Variants in SOX5 observed in about 807,000 individuals in gnomAD.
SOX5 encodes the protein SRY-box transcription factor 5, also known as transcription factor SOX-5.
In SOX5, 9 loss-of-function variants were observed where a neutral mutation model predicts 92.0. The ratio of observed to expected loss-of-function variants is 0.10; its 90% CI spans 0.06 to 0.17. The LOEUF is 0.17. SOX5 is among the 10% of genes least tolerant of loss of function. The pLI, the probability that SOX5 is intolerant of heterozygous loss-of-function variation, is 1.00. For missense variants in SOX5, 642 were observed against 944.5 expected, an observed-to-expected ratio of 0.68 and a Z score of 4.20; for synonymous variants, 344 against 336.3, an observed-to-expected ratio of 1.02 and a Z score of -0.25.
At chr12:24,364,857 G>A (rs998776286) in intron 2 of SOX5, among the ~76,000 whole-genome samples, 4 of 152,106 alleles carry the variant, frequency 2.6e-5, no homozygotes, top group Middle Eastern at 3.4e-3. Flanking sequence ...CGTCTCAGTC[G>A]AAGCAAGAAC....
At chr12:24,075,749 G>T (rs1309996467) in intron 4 of SOX5, among the ~76,000 whole-genome samples, 1 of 152,174 alleles carries the variant, frequency 6.6e-6, no homozygotes, top group East Asian at 1.9e-4. Flanking sequence ...CTCATGGCTT[G>T]TTTTGTTTGT....
intron 2 of SOX5, among the ~76,000 whole-genome samples, chr12:24,310,823 T>A (rs1022916048): frequency 2.0e-5 from 3 of 152,094 alleles, no homozygotes; most frequent in African/African-American, 7.2e-5. Flanking sequence ...CTGACCTTCA[T>A]TGAAGGATTT....
At chr12:24,342,460 T>C (rs896446249) in intron 2 of SOX5, among the ~76,000 whole-genome samples, 3 of 152,238 alleles carry the variant, frequency 2.0e-5, no homozygotes, top group Non-Finnish European at 2.9e-5. Context: ...ACCTATTATA[T>C]CATCCTGTCA....
intron 2 of SOX5, among the ~76,000 whole-genome samples, chr12:24,332,091 T>C (rs143959802): frequency 0.014 from 2,176 of 151,932 alleles, 24 homozygotes; most frequent in Non-Finnish European, 0.022. Context: ...ACTGAAGAAA[T>C]ACCATAGTAC....
chr12:23,839,162 A>T (rs184194623), intron 3 of SOX5, among the ~76,000 whole-genome samples: 3 of 151,838 alleles, frequency 2.0e-5, no homozygotes, highest in Admixed American at 2.0e-4. Flanking sequence ...AGTATTTCTT[A>T]ATGTCTCCTG....
At chr12:23,949,749 TCTCC>T (rs1569216812), upstream of SOX5, 6 of 914,988 alleles carry the variant, frequency 6.6e-6, no homozygotes, top group African/African-American at 5.2e-5. Flanking sequence ...TCTCTCTCTC[TCTCC>T]CTCTCTCTCT....
intron 7 of SOX5, among the ~76,000 whole-genome samples, chr12:23,654,477 A>G (rs2082067234): frequency 6.6e-6 from 1 of 152,130 alleles, no homozygotes; most frequent in Non-Finnish European, 1.5e-5. Flanking sequence ...ACATATAAAC[A>G]TATAATCAAA....
intron 6 of SOX5, among the ~76,000 whole-genome samples, chr12:23,706,460 T>A (rs1353754890): frequency 3.3e-5 from 5 of 152,054 alleles, no homozygotes; most frequent in Non-Finnish European, 1.5e-5. Context: ...GTCAAATACA[T>A]GGTCTCATGA....
At chr12:23,810,197 C>A (rs1474384174) in intron 3 of SOX5, among the ~76,000 whole-genome samples, 3 of 152,038 alleles carry the variant, frequency 2.0e-5, no homozygotes, top group African/African-American at 7.2e-5. Context: ...ACTTATTGTT[C>A]ATTGAATTAA....
At chr12:23,955,472 G>A (rs150330253), upstream of SOX5, among the ~76,000 whole-genome samples, 20 of 152,210 alleles carry the variant, frequency 1.3e-4, no homozygotes, top group East Asian at 3.9e-3. Flanking sequence ...CACAATCTCA[G>A]GTAAAACCCA....
In SOX5 at chr12:24,191,728, G is replaced by T. The variant is rs143530817; in HGVS notation, c.-2+21615C>A. On this transcript the variant is annotated intron_variant, in intron 4 of 4. Transcript: ENST00000446891. ...GCCCTGATTCTGTCAGGTACAACAG[G>T]TATTTTCAGATAACTAGAGATGGCA... 3.5e-3 allele frequency among the ~76,000 whole-genome samples: 540 copies of T among 152,278 alleles called. 1 individual carries two copies. Among genetic ancestry groups the T allele is most frequent in the Middle Eastern group, 0.01 (3 of 294 alleles).
intron 4 of SOX5, among the ~76,000 whole-genome samples, chr12:24,103,307 G>T (rs1196353667): frequency 2.0e-5 from 3 of 151,828 alleles, no homozygotes; most frequent in Non-Finnish European, 4.4e-5. Flanking sequence ...AGTTTTCTTG[G>T]CTTTCAGGAT....
At chr12:24,187,299 C>A (rs1365601323) in intron 4 of SOX5, among the ~76,000 whole-genome samples, 1 of 152,180 alleles carries the variant, frequency 6.6e-6, no homozygotes, top group Non-Finnish European at 1.5e-5. Flanking sequence ...AGTTGCGTTC[C>A]AACCCACTGA....
intron 11 of SOX5, among the ~76,000 whole-genome samples, chr12:23,554,895 T>G (rs559068199): frequency 3.2e-4 from 48 of 152,292 alleles, no homozygotes; most frequent in African/African-American, 9.1e-4. Flanking sequence ...CTTTATTATT[T>G]CAGTGTCTTC....
At chr12:23,814,571 C>G (rs189484901) in intron 3 of SOX5, among the ~76,000 whole-genome samples, 1 of 152,138 alleles carries the variant, frequency 6.6e-6, no homozygotes, top group Non-Finnish European at 1.5e-5. Context: ...TTTCCCTGGA[C>G]GTACACAATT....
At chr12:24,351,024 T>C (rs486558) in intron 2 of SOX5, among the ~76,000 whole-genome samples, 51,114 of 151,930 alleles carry the variant, frequency 0.34, 9,931 homozygotes, top group East Asian at 0.79. Flanking sequence ...TACCACTCCA[T>C]TCCAGCCTGG....
At chr12:24,333,851 TAAAAAA>T (rs5797076) in intron 2 of SOX5, among the ~76,000 whole-genome samples, 2 of 138,504 alleles carry the variant, frequency 1.4e-5, no homozygotes, top group African/African-American at 5.3e-5. Context: ...TTCACCAAGT[TAAAAAA>T]AAAAAAAAAA....
chr12:24,076,081 A>G (rs1354313266), intron 4 of SOX5, among the ~76,000 whole-genome samples: 1 of 152,156 alleles, frequency 6.6e-6, no homozygotes, highest in East Asian at 1.9e-4. Flanking sequence ...GTAGAATGAG[A>G]GAGTGTTTTT....
intron 1 of SOX5, among the ~76,000 whole-genome samples, chr12:23,900,797 T>C (rs2097222015): frequency 6.6e-6 from 1 of 151,934 alleles, no homozygotes; most frequent in Non-Finnish European, 1.5e-5. Flanking sequence ...CCATCTCTAC[T>C]GAAATACAAA....
Sources: gnomAD v4.1 joint callset for allele counts (sites outside exome capture counted in the v4.1 genomes callset) on GRCh38, gnomAD v4.1.1 for gene constraint, MANE v1.5 for transcripts, NCBI Gene and HGNC (gene_info 2026-07-23, HGNC 2026-07-21) for gene names.